EVC: variants seen among roughly 807,000 people sequenced by gnomAD.
EVC encodes EvC ciliary complex subunit 1, also known as evC complex member EVC.
A neutral mutation model predicts 118.9 loss-of-function variants in EVC; 116 were observed. The observed-to-expected ratio is 0.98, with a 90% confidence interval of 0.84 to 1.14. The LOEUF (loss-of-function observed/expected upper bound fraction) is 1.14. Among genes scored for constraint, EVC ranks in the 50% most tolerant of loss-of-function variants. The pLI, the probability that EVC is intolerant of heterozygous loss-of-function variation, is 0.00. For missense variants in EVC, 1,401 were observed against 1,246.4 expected, an observed-to-expected ratio of 1.12 and a Z score of -1.87; for synonymous variants, 619 against 534.7, an observed-to-expected ratio of 1.16 and a Z score of -2.18.
At chr4:5,791,858 T>C (rs946242280) in intron 12 of EVC, among the ~76,000 whole-genome samples, 1 of 152,132 alleles carries the variant, frequency 6.6e-6, no homozygotes, top group African/African-American at 2.4e-5. Context: ...CACCCCGCCC[T>C]GGCTGAGCCA....
chr4:5,715,721 G>A lies in EVC; in HGVS notation c.175-3527G>A, dbSNP rs867730117. Among the ~76,000 whole-genome samples, 5 of 147,982 alleles carry A rather than the reference G, an allele frequency of 3.4e-5. No homozygotes were observed. The South Asian group carries it at 6.5e-4, about 19-fold the overall frequency. On this transcript the variant is annotated intron_variant, in intron 1 of 20. Coordinates refer to ENST00000264956, the MANE Select transcript of EVC (RefSeq NM_153717.3). ...GGGAATAATTTTCCTCCAGAATTTC[G>A]AAGGCATTTTTCCATTGTCTTTTTT...
chr4:5,734,565 G>C (rs1032476297), intron 5 of EVC, among the ~76,000 whole-genome samples: 8 of 152,170 alleles, frequency 5.3e-5, no homozygotes, highest in Non-Finnish European at 1.0e-4. Flanking sequence ...GCTGAGGTGA[G>C]AGGAACACTT....
intron 5 of EVC, among the ~76,000 whole-genome samples, chr4:5,735,203 G>A (rs1175302552): frequency 6.6e-6 from 1 of 152,242 alleles, no homozygotes; most frequent in Admixed American, 6.5e-5. Context: ...ACGGTGGCAG[G>A]CAGCATGGCA....
chr4:5,784,867 C>A (rs10024203), intron 12 of EVC, among the ~76,000 whole-genome samples: 10,566 of 152,098 alleles, frequency 0.069, 541 homozygotes, highest in South Asian at 0.14. Context: ...CTTAGCCTCC[C>A]GAAGTGCTGG....
chr4:5,784,490 G>A (rs1736118815), intron 12 of EVC, among the ~76,000 whole-genome samples: 1 of 152,078 alleles, frequency 6.6e-6, no homozygotes. Context: ...AACCCATTAA[G>A]ACCCATTTCA....
chr4:5,766,974 G>A (rs375862742), intron 11 of EVC, among the ~76,000 whole-genome samples: 12,078 of 150,882 alleles, frequency 0.08, 694 homozygotes, highest in South Asian at 0.14. Context: ...GAGGAGAGGC[G>A]CTCTGCTTTT....
the EVC span, chr4:5,825,222 A>G: frequency 5.1e-6 from 5 of 985,240 alleles, no homozygotes; most frequent in Non-Finnish European, 6.0e-6. This position sits in a 1 kb window ranked among gnomAD's most constrained non-coding sequence, Gnocchi z 4.4. Flanking sequence ...AATGTGTGTA[A>G]GGATGAGCAC....
At chr4:5,761,024 T>A (rs1731926165) in intron 11 of EVC, among the ~76,000 whole-genome samples, 1 of 152,188 alleles carries the variant, frequency 6.6e-6, no homozygotes, top group South Asian at 2.1e-4. Context: ...TTCCTGATAC[T>A]CCATAGGAGC....
Position 5,755,593 on chromosome 4 carries a change from G to A in EVC, c.1465-671G>A, listed in dbSNP as rs942328046. ...TACCTCCTGGTCTCTGCTGCTGCTC[G>A]CTGAGCCTGGCTCCCCATCTTCCCT... On this transcript the variant is annotated intron_variant, in intron 10 of 20. Transcript: ENST00000264956. The surrounding 1 kb of genome is among the most constrained non-coding windows in gnomAD (Gnocchi z 4.1). Among the ~76,000 whole-genome samples, 2 of 152,028 alleles carry A rather than the reference G, an allele frequency of 1.3e-5. No homozygotes were observed. The highest frequency in any genetic ancestry group is 2.9e-5 in the Non-Finnish European group (2 of 68,012).
In EVC at chr4:5,781,508, A is replaced by C. The variant is rs193018926; in HGVS notation, c.1564-2044A>C. Among the ~76,000 whole-genome samples the C allele has an allele frequency of 8.1e-3, 1,227 of 152,110 alleles. 8 individuals are homozygous for C. The highest frequency in any genetic ancestry group is 0.013 in the Non-Finnish European group (889 of 67,994). ...GGGCGAGGAGTCCATTCTGGGTGTA[A>C]AAGTGATTGGAGATGGGGCAAAAGG... On this transcript the variant is annotated intron_variant, in intron 11 of 20. Transcript: ENST00000264956.
intron 15 of EVC, 68 bp from the exon 16 acceptor site, chr4:5,801,882 T>C: frequency 6.4e-7 from 1 of 1,568,224 alleles, no homozygotes; most frequent in South Asian, 1.2e-5. Context: ...AGGCAGGGAC[T>C]GGATGGGCCG....
intron 15 of EVC, among the ~76,000 whole-genome samples, chr4:5,800,781 C>T (rs1331537201): frequency 3.3e-5 from 5 of 152,092 alleles, no homozygotes; most frequent in South Asian, 2.1e-4. Flanking sequence ...AGCAGGGGCT[C>T]GGGAGTTAGA....
At chr4:5,800,066 C>T (rs973326932) in intron 15 of EVC, among the ~76,000 whole-genome samples, 2 of 152,180 alleles carry the variant, frequency 1.3e-5, no homozygotes, top group Admixed American at 6.5e-5. Context: ...AAAGTGAGGC[C>T]GAGCGCAGTG....
In EVC at chr4:5,719,261, A is replaced by G. The variant is rs772017175; in HGVS notation, c.188A>G (p.Gln63Arg). The G allele has an allele frequency of 1.4e-5, 22 of 1,614,154 alleles. No individual in the cohort carries two copies. In the South Asian group the frequency reaches 2.4e-4, roughly 18 times the overall value. ...QRTRHQKDDT[Q>R]NLLKNLESNA... Reference sequence around the variant, plus strand: ...TTCGGGTTTTAGAAAGACGACACTCAAAATCTGCTCAAGAATTTGGAGTCT... The same window carrying G: ...TTCGGGTTTTAGAAAGACGACACTCGAAATCTGCTCAAGAATTTGGAGTCT... The change falls in exon 2 of 21, where the codon CAA becomes CGA. Residue 63 changes from glutamine to arginine, a missense_variant. Gln to Arg is a conservative substitution (Grantham distance 43, BLOSUM62 1). Coordinates refer to ENST00000264956, the MANE Select transcript of EVC (RefSeq NM_153717.3). This position sits in a 1 kb window ranked among gnomAD's most constrained non-coding sequence, Gnocchi z 4.7.
intron 17 of EVC, among the ~76,000 whole-genome samples, chr4:5,805,534 A>G (rs183302836): frequency 6.6e-6 from 1 of 152,292 alleles, no homozygotes; most frequent in East Asian, 1.9e-4. Context: ...AAGTCCTCAG[A>G]TGTGGGGCGC....
chr4:5,735,762 C>T (rs1013012564), intron 5 of EVC, among the ~76,000 whole-genome samples: 1 of 152,148 alleles, frequency 6.6e-6, no homozygotes, highest in South Asian at 2.1e-4. Context: ...AAGGCCCCTG[C>T]ATGCCCAGGT....
chr4:5,805,068 A>C (rs1715649937), intron 17 of EVC, among the ~76,000 whole-genome samples: 1 of 149,092 alleles, frequency 6.7e-6, no homozygotes, highest in South Asian at 2.3e-4. Flanking sequence ...TGGCAGCTTC[A>C]TTCCCAGGTT....
chr4:5,717,878 T>G (rs994393439), intron 1 of EVC, among the ~76,000 whole-genome samples: 3 of 152,258 alleles, frequency 2.0e-5, no homozygotes, highest in African/African-American at 7.2e-5. Context: ...ATTTTTTCAT[T>G]TGTTTGCCTC....
At chr4:5,794,283 A>ATATATT (rs1713393358) in intron 13 of EVC, among the ~76,000 whole-genome samples, 2 of 122,528 alleles carry the variant, frequency 1.6e-5, no homozygotes, top group Non-Finnish European at 3.4e-5. Flanking sequence ...ATATATTTAT[A>ATATATT]TATATTTTTA....
Sources: allele counts gnomAD v4.1 joint callset (sites outside exome capture counted in the v4.1 genomes callset), GRCh38; gene constraint gnomAD v4.1.1; non-coding constraint Gnocchi (gnomAD v3.1); transcripts MANE v1.5; gene names NCBI Gene and HGNC (gene_info 2026-07-23, HGNC 2026-07-21).